Variants in CABIN1 observed in about 807,000 individuals in gnomAD.
CABIN1 encodes the protein calcineurin binding protein 1, also known as calcineurin-binding protein cabin-1.
A neutral mutation model predicts 227.7 loss-of-function variants in CABIN1; 133 were observed. That is an observed-to-expected ratio of 0.58 (90% CI 0.51 to 0.67). The LOEUF is 0.67. Ranked by LOEUF, CABIN1 falls within the 30% of genes least tolerant of loss-of-function variation. CABIN1 has a pLI of 0.00. For synonymous variants in CABIN1, 1,086 were observed against 1,155.1 expected, an observed-to-expected ratio of 0.94 and a Z score of 1.21; for missense variants, 2,408 against 2,852.5, an observed-to-expected ratio of 0.84 and a Z score of 3.55.
intron 29 of CABIN1, among the ~76,000 whole-genome samples, chr22:24,151,797 C>A (rs1056359362): frequency 6.6e-6 from 1 of 152,196 alleles, no homozygotes; most frequent in African/African-American, 2.4e-5. Flanking sequence ...CACTGCCACA[C>A]GCACCCCCTT....
chr22:24,071,833 G>A (rs903308513), intron 17 of CABIN1, among the ~76,000 whole-genome samples: 6 of 152,068 alleles, frequency 3.9e-5, no homozygotes, highest in Admixed American at 1.3e-4. Flanking sequence ...CAGCCTTCCT[G>A]GGCTACCCCC....
At chr22:24,035,951 C>T (rs113201436) in intron 2 of CABIN1, 138 bp from the exon 3 acceptor site, 212 of 587,110 alleles carry the variant, frequency 3.6e-4, no homozygotes, top group African/African-American at 3.5e-3. Context: ...TGTTCATTCC[C>T]CACATCTGAG....
chr22:24,051,044 C>T, intron 8 of CABIN1, 70 bp downstream of exon 8: 1 of 1,594,708 alleles, frequency 6.3e-7, no homozygotes, highest in East Asian at 2.2e-5. Flanking sequence ...CTGCCCTGCA[C>T]AGGAGGGAGA....
At chr22:24,144,013 G>A (rs565325831) in intron 29 of CABIN1, among the ~76,000 whole-genome samples, 1 of 152,348 alleles carries the variant, frequency 6.6e-6, no homozygotes, top group African/African-American at 2.4e-5. Context: ...CTTGTCTTCT[G>A]CAGCAGCAAT....
intron 15 of CABIN1, 135 bp downstream of exon 15, chr22:24,064,322 C>T: frequency 1.0e-6 from 1 of 973,962 alleles, no homozygotes; most frequent in Non-Finnish European, 1.6e-6. Flanking sequence ...TCTCCTGCCT[C>T]AGCCTCCTGA....
Position 24,134,161 on chromosome 22 carries a change from G to A in CABIN1, c.4633-141G>A, listed in dbSNP as rs116529983. Reference sequence around the variant, plus strand: ...CAAAGCCCATGGCCAGAGCAGCCTGGAGCTGTGGAATCGATGTCTGCAGGA... The same window carrying A: ...CAAAGCCCATGGCCAGAGCAGCCTGAAGCTGTGGAATCGATGTCTGCAGGA... On this transcript the variant is annotated intron_variant, in intron 28 of 36. Coordinates refer to ENST00000263119, the MANE Select transcript of CABIN1 (RefSeq NM_012295.4). 307 of 686,704 alleles carry A rather than the reference G, an allele frequency of 4.5e-4. 3 individuals are homozygous for A. In the African/African-American group the frequency reaches 5.0e-3, roughly 11 times the overall value. The allele number at this position is 686,704 out of a possible 1,614,324, so 42.5% of individuals were successfully genotyped here. A position where few individuals can be genotyped will look rare whatever the true frequency, so the allele number is the denominator to read the frequency against.
At chr22:24,055,238 C>A in intron 9 of CABIN1, 79 bp downstream of exon 9, 1 of 1,510,200 alleles carries the variant, frequency 6.6e-7, no homozygotes, top group Non-Finnish European at 9.0e-7. Context: ...CTGGGGAGCC[C>A]TGCCTCCCTA....
At chr22:24,073,569 A>G (rs1265568475) in intron 18 of CABIN1, among the ~76,000 whole-genome samples, 2 of 152,192 alleles carry the variant, frequency 1.3e-5, no homozygotes, top group Non-Finnish European at 2.9e-5. Flanking sequence ...CTCTGTGGCT[A>G]GGATACCTCT....
chr22:24,160,657 T>G (rs1405591831), intron 29 of CABIN1, among the ~76,000 whole-genome samples: 6 of 152,240 alleles, frequency 3.9e-5, no homozygotes, highest in Non-Finnish European at 8.8e-5. Context: ...TAAGCTCCCC[T>G]GAGACCACAG....
Position 24,070,838 on chromosome 22 carries a change from TGA to T in CABIN1, c.2273_2274del (p.Glu758ValfsTer18). 1.2e-6 allele frequency: 2 copies of T among 1,614,252 alleles called. No homozygotes were observed. The highest frequency in any genetic ancestry group is 1.7e-6 in the Non-Finnish European group (2 of 1,180,046). On this transcript the variant is annotated frameshift_variant, in exon 17 of 37. Transcript: ENST00000263119. LOFTEE classifies it high-confidence loss of function. ...LRLKDYRQCF[E>X]CSDVALNEAV... The stretch of plus-strand genomic sequence containing the variant: ...GGCTGAAGGACTATCGGCAGTGTTT[TGA>T]GTGTTCCGATGTGGCTCTGAACGAG...
rs747577487 is a variant in CABIN1, at chr22:24,056,186, G to A, written c.1094-6G>A. ...TGTAAGATTTTAATTTGCATTCTTT[G>A]TGAAGGTGATATTTCTGGGGGAGAT... On this transcript the variant is annotated splice_region_variant and splice_polypyrimidine_tract_variant and intron_variant, in intron 9 of 36. Coordinates refer to ENST00000263119, the MANE Select transcript of CABIN1 (RefSeq NM_012295.4). The A allele has an allele frequency of 3.1e-6, 5 of 1,613,588 alleles. No homozygotes were observed. The highest frequency in any genetic ancestry group is 1.3e-5 in the African/African-American group (1 of 75,024).
intron 29 of CABIN1, among the ~76,000 whole-genome samples, chr22:24,141,176 G>T: frequency 6.6e-6 from 1 of 152,202 alleles, no homozygotes; most frequent in East Asian, 1.9e-4. Flanking sequence ...ACCTGGCTGG[G>T]GCCTCCATAA....
At chr22:24,161,596 G>T (rs893267841) in intron 29 of CABIN1, among the ~76,000 whole-genome samples, 1 of 152,168 alleles carries the variant, frequency 6.6e-6, no homozygotes, top group Non-Finnish European at 1.5e-5. Flanking sequence ...CTCAGATGCC[G>T]TGGGGGTGTT....
chr22:24,141,662 A>T (rs2044767565), intron 29 of CABIN1, among the ~76,000 whole-genome samples: 1 of 152,062 alleles, frequency 6.6e-6, no homozygotes, highest in Non-Finnish European at 1.5e-5. Context: ...TGTGCCAAAA[A>T]ACCCCAGGTG....
At chr22:24,134,174 G>A (rs998587971) in intron 28 of CABIN1, 128 bp from the exon 29 acceptor site, 5 of 699,794 alleles carry the variant, frequency 7.1e-6, no homozygotes, top group Non-Finnish European at 1.3e-5. Context: ...CTGTGGAATC[G>A]ATGTCTGCAG....
At chr22:24,167,433 C>G (rs2046519244) in intron 32 of CABIN1, 120 bp downstream of exon 32, 2 of 811,254 alleles carry the variant, frequency 2.5e-6, no homozygotes, top group Non-Finnish European at 2.0e-6. Flanking sequence ...GGTGTTGTTC[C>G]CACACCATCC....
chr22:24,095,272 A>G (rs896850169), intron 24 of CABIN1, among the ~76,000 whole-genome samples: 10 of 152,254 alleles, frequency 6.6e-5, no homozygotes, highest in East Asian at 3.8e-4. Context: ...TGAGAAGATC[A>G]GGGCAGACCT....
At chr22:24,107,720 G>A (rs1285661885) in intron 26 of CABIN1, among the ~76,000 whole-genome samples, 1 of 152,196 alleles carries the variant, frequency 6.6e-6, no homozygotes, top group Non-Finnish European at 1.5e-5. Context: ...CCAATCCTTA[G>A]TTTTCATAAT....
intron 4 of CABIN1, among the ~76,000 whole-genome samples, chr22:24,040,535 A>C (rs1456541621): frequency 6.6e-6 from 1 of 152,246 alleles, no homozygotes; most frequent in Non-Finnish European, 1.5e-5. Flanking sequence ...AGCTGTAATG[A>C]AATAACTTTT....
Sources: gnomAD v4.1 joint callset for allele counts (sites outside exome capture counted in the v4.1 genomes callset) on GRCh38, gnomAD v4.1.1 for gene constraint, MANE v1.5 for transcripts, NCBI Gene and HGNC (gene_info 2026-07-23, HGNC 2026-07-21) for gene names.